Variants in PPP1R12B observed in about 807,000 individuals in gnomAD.
PPP1R12B encodes myosin phosphatase target subunit 2.
In PPP1R12B, 76 loss-of-function variants were observed where a neutral mutation model predicts 126.1. The observed-to-expected ratio is 0.60, with a 90% CI of 0.50 to 0.73. PPP1R12B has a LOEUF of 0.73. PPP1R12B is among the 30% of genes least tolerant of loss of function. PPP1R12B has a pLI of 0.00. For synonymous variants in PPP1R12B, 356 were observed against 434.7 expected, an observed-to-expected ratio of 0.82 and a Z score of 2.25; for missense variants, 1,052 against 1,205.1, an observed-to-expected ratio of 0.87 and a Z score of 1.88.
At chr1:202,483,147 A>G (rs1466555088) in intron 13 of PPP1R12B, among the ~76,000 whole-genome samples, 1 of 151,204 alleles carries the variant, frequency 6.6e-6, no homozygotes, top group Non-Finnish European at 1.5e-5. Flanking sequence ...GTTATTATAC[A>G]TTTGTAGTAT....
At position 202,547,537 on chromosome 1, in the gene PPP1R12B, A is replaced by G. The variant is rs529644637; in HGVS notation, c.2491-11340A>G. 2.6e-5 allele frequency among the ~76,000 whole-genome samples: 4 copies of G among 152,348 alleles called. No homozygotes were observed. In the South Asian group the frequency reaches 8.3e-4, roughly 32 times the overall value. On this transcript the variant is annotated intron_variant, in intron 18 of 23. Coordinates refer to ENST00000608999, the MANE Select transcript of PPP1R12B (RefSeq NM_002481.4). ...GTCATTATGAAAGCAACATTTTCAT[A>G]TAGGAGTTGTACATAAAATTGCAAG...
chr1:202,521,320 A>G (rs1307642646), intron 18 of PPP1R12B, among the ~76,000 whole-genome samples: 2 of 152,168 alleles, frequency 1.3e-5, no homozygotes, highest in Non-Finnish European at 2.9e-5. Context: ...AGCCCCCAAA[A>G]CATTACAAAG....
At chr1:202,548,953 G>T (rs1686014110) in intron 18 of PPP1R12B, among the ~76,000 whole-genome samples, 2 of 151,614 alleles carry the variant, frequency 1.3e-5, no homozygotes, top group Non-Finnish European at 2.9e-5. Flanking sequence ...ACCCTTCCCT[G>T]CCAAAACCAA....
chr1:202,442,926 C>T (rs1462807610), intron 12 of PPP1R12B, among the ~76,000 whole-genome samples: 1 of 150,234 alleles, frequency 6.7e-6, no homozygotes, highest in Non-Finnish European at 1.5e-5. Flanking sequence ...TAGTTCTCAT[C>T]CCATGTGCTA....
rs1690060975 is a variant in PPP1R12B at position 202,590,379 on chromosome 1, C to A, written c.*9819C>A. On this transcript the variant is annotated 3_prime_UTR_variant, in exon 24 of 24. Coordinates refer to ENST00000608999, the MANE Select transcript of PPP1R12B (RefSeq NM_002481.4). ...TCAGGAGATGTGTGGGCCCCAGCAC[C>A]CACCAGAGTGCCAATCTGGTCTTCC... 6.6e-6 allele frequency: 1 copy of A among 151,852 alleles called. No individual in the cohort carries two copies. The highest frequency in any genetic ancestry group is 6.6e-5 in the Admixed American group (1 of 15,238). The allele number at this position is 151,852 out of a possible 1,614,324, so 9.4% of individuals were successfully genotyped here.
chr1:202,514,665 C>T (rs766341429), intron 18 of PPP1R12B, among the ~76,000 whole-genome samples: 6 of 152,134 alleles, frequency 3.9e-5, no homozygotes, highest in Non-Finnish European at 7.4e-5. Context: ...TATCCCAGCA[C>T]CATTTACTGA....
intron 18 of PPP1R12B, among the ~76,000 whole-genome samples, chr1:202,521,534 A>G (rs769920072): frequency 2.0e-5 from 3 of 152,240 alleles, no homozygotes; most frequent in Non-Finnish European, 4.4e-5. Flanking sequence ...AGAAGCGTTT[A>G]GACATCTTGA....
chr1:202,468,026 T>C (rs1675286580), intron 13 of PPP1R12B, among the ~76,000 whole-genome samples: 2 of 152,376 alleles, frequency 1.3e-5, no homozygotes, highest in South Asian at 4.1e-4. Context: ...TGTCTTCTTT[T>C]GAGAAGTGTC....
intron 18 of PPP1R12B, among the ~76,000 whole-genome samples, chr1:202,533,571 A>C (rs1032378724): frequency 6.6e-6 from 1 of 152,042 alleles, no homozygotes; most frequent in Admixed American, 6.5e-5. Context: ...TGCTCTCCTT[A>C]GCCTCCCAAA....
chr1:202,479,014 C>T (rs771471192), intron 13 of PPP1R12B, among the ~76,000 whole-genome samples: 6 of 152,244 alleles, frequency 3.9e-5, no homozygotes, highest in African/African-American at 1.4e-4. Flanking sequence ...AGAAATAACA[C>T]GTGAGTAGGT....
intron 23 of PPP1R12B, among the ~76,000 whole-genome samples, chr1:202,570,307 A>G (rs1434946168): frequency 1.3e-5 from 2 of 152,270 alleles, no homozygotes; most frequent in Middle Eastern, 6.8e-3. Flanking sequence ...ATTTATTGAA[A>G]AAAAAAAAAC....
chr1:202,414,985 C>T (rs902371731), intron 1 of PPP1R12B, among the ~76,000 whole-genome samples: 4 of 151,990 alleles, frequency 2.6e-5, no homozygotes, highest in Non-Finnish European at 4.4e-5. Flanking sequence ...GTCTGTGTTG[C>T]TCAGGCTGGT....
chr1:202,532,692 T>C (rs1313137049), intron 18 of PPP1R12B, among the ~76,000 whole-genome samples: 1 of 152,054 alleles, frequency 6.6e-6, no homozygotes, highest in Non-Finnish European at 1.5e-5. Flanking sequence ...AAAGAGAGAC[T>C]ATCTTTCAAA....
chr1:202,531,265 A>G (rs1401467087), intron 18 of PPP1R12B, among the ~76,000 whole-genome samples: 1 of 152,254 alleles, frequency 6.6e-6, no homozygotes, highest in Admixed American at 6.5e-5. Flanking sequence ...TATGAATTCT[A>G]GACTATCTTC....
chr1:202,435,938 C>G (rs7554082), intron 9 of PPP1R12B, among the ~76,000 whole-genome samples: 65,884 of 151,990 alleles, frequency 0.43, 15,649 homozygotes, highest in East Asian at 0.71. Context: ...CTAAGGATGC[C>G]TAGACTTCCT....
At chr1:202,416,707 T>TC in intron 1 of PPP1R12B, 80 bp from the exon 2 acceptor site, 1 of 1,264,014 alleles carries the variant, frequency 7.9e-7, no homozygotes, top group Non-Finnish European at 1.1e-6. Flanking sequence ...CTGGGCATTG[T>TC]CAGTGCCCAG....
intron 18 of PPP1R12B, among the ~76,000 whole-genome samples, chr1:202,535,175 A>G (rs1226167453): frequency 6.6e-6 from 1 of 151,956 alleles, no homozygotes; most frequent in Non-Finnish European, 1.5e-5. Context: ...GAAGAACTTG[A>G]TCATATCAGT....
At chr1:202,466,093 A>G (rs955693684) in intron 13 of PPP1R12B, among the ~76,000 whole-genome samples, 2 of 152,160 alleles carry the variant, frequency 1.3e-5, no homozygotes, top group Non-Finnish European at 2.9e-5. Flanking sequence ...AATAGGATTC[A>G]CCTTTGACCC....
intron 13 of PPP1R12B, among the ~76,000 whole-genome samples, chr1:202,457,847 G>C (rs1451768710): frequency 6.6e-6 from 1 of 151,592 alleles, no homozygotes; most frequent in Non-Finnish European, 1.5e-5. Flanking sequence ...AGAAATTCAA[G>C]AAACAAACAA....
Sources: gnomAD v4.1 joint callset for allele counts (sites outside exome capture counted in the v4.1 genomes callset) on GRCh38, gnomAD v4.1.1 for gene constraint, MANE v1.5 for transcripts, NCBI Gene and HGNC (gene_info 2026-07-23, HGNC 2026-07-21) for gene names.